The following TRPM7 variants were observed in gnomAD, a reference collection of about 807,000 sequenced individuals.
TRPM7 encodes LTRPC ion channel family member 7.
TRPM7 carries 134 observed loss-of-function variants against 229.7 expected under a neutral mutation model. That is an observed-to-expected ratio of 0.58 (90% CI 0.51 to 0.67). The LOEUF is 0.67. Ranked by LOEUF, TRPM7 falls within the 30% of genes least tolerant of loss-of-function variation. The pLI is 0.00. For synonymous variants in TRPM7, 699 were observed against 715.2 expected (o/e 0.98, Z 0.36); for missense variants, 1,901 against 2,210.0 (o/e 0.86, Z 2.80).
At chr15:50,679,597 G>C (rs1427727957) in intron 1 of TRPM7, among the ~76,000 whole-genome samples, 1 of 139,788 alleles carries the variant, frequency 7.2e-6, no homozygotes, top group African/African-American at 2.8e-5. Flanking sequence ...GTGCAGTGGC[G>C]CAATCTGGAG....
intron 5 of TRPM7, among the ~76,000 whole-genome samples, chr15:50,641,401 C>T (rs1470543376): frequency 6.6e-6 from 1 of 152,152 alleles, no homozygotes; most frequent in Non-Finnish European, 1.5e-5. Context: ...CTCCCCTTTA[C>T]ATGCTTTGCC....
chr15:50,623,488 C>CG (rs1491231732), intron 12 of TRPM7, among the ~76,000 whole-genome samples: 4 of 85,514 alleles, frequency 4.7e-5, no homozygotes, highest in South Asian at 7.9e-4. Context: ...TGCTGCCCCG[C>CG]CCCCTCCCCG....
chr15:50,570,829 T>C (rs1188355191), intron 36 of TRPM7, among the ~76,000 whole-genome samples: 1 of 150,798 alleles, frequency 6.6e-6, no homozygotes, highest in Non-Finnish European at 1.5e-5. Flanking sequence ...CACTCTAGCC[T>C]GGGCAACAGA....
At chr15:50,597,259 C>A (rs772979707) in intron 22 of TRPM7, among the ~76,000 whole-genome samples, 1 of 152,094 alleles carries the variant, frequency 6.6e-6, no homozygotes, top group African/African-American at 2.4e-5. Flanking sequence ...AGCTTTAATA[C>A]CCCCAACAGC....
intron 31 of TRPM7, among the ~76,000 whole-genome samples, chr15:50,577,346 G>A (rs1219171121): frequency 6.6e-6 from 1 of 152,018 alleles, no homozygotes; most frequent in Non-Finnish European, 1.5e-5. Flanking sequence ...TCAGGAGTTA[G>A]AGACCAGCCT....
In TRPM7 at chr15:50,557,461, G is replaced by T. The variant is rs2053178740; in HGVS notation, c.*4217C>A. 6.6e-6 allele frequency: 1 copy of T among 151,818 alleles called. No individual in the cohort carries two copies. The highest frequency in any genetic ancestry group is 2.1e-4 in the South Asian group (1 of 4,806). The allele number at this position is 151,818 out of a possible 1,614,324, so 9.4% of individuals were successfully genotyped here. ...ACAACATAGTCTGACTTGAGAGTGG[G>T]GAAAGTGGAACAAGGGAGTAATTTT... On this transcript the variant is annotated 3_prime_UTR_variant, in exon 39 of 39. Transcript: ENST00000646667.
chr15:50,679,538 A>ATATATATTT lies in TRPM7; in HGVS notation c.3+6992_3+6993insAAATATATA, dbSNP rs1400383980. Among the ~76,000 whole-genome samples, 85 of 43,862 alleles carry ATATATATTT rather than the reference A, an allele frequency of 1.9e-3. 3 individuals are homozygous for ATATATATTT. Among genetic ancestry groups the ATATATATTT allele is most frequent in the African/African-American group, 8.8e-3 (82 of 9,280 alleles). The allele number at this position is 43,862 out of a possible 152,430, so 28.8% of individuals were successfully genotyped here. A position where few individuals can be genotyped will look rare whatever the true frequency, so the allele number is the denominator to read the frequency against. The stretch of plus-strand genomic sequence containing the variant: ...TATATATATATATATATATATATAT[A>ATATATATTT]TTTTTTTTTTTTTTTGAGACAGAGT... On this transcript the variant is annotated intron_variant, in intron 1 of 38. Transcript: ENST00000646667.
chr15:50,634,508 G>T lies in TRPM7; in HGVS notation c.881C>A (p.Pro294Gln). 6.4e-7 allele frequency: 1 copy of T among 1,566,980 alleles called. No homozygotes were observed. The highest frequency in any genetic ancestry group is 8.6e-7 in the Non-Finnish European group (1 of 1,161,244). ...TTCAAGAACTGTGAGGATAACATTT[G>T]GCCCACCCTCAAATATAAGTGCCAC... Reference protein sequence around the residue: ...PVVALIFEGGPNVILTVLEYL... With the variant: ...PVVALIFEGGQNVILTVLEYL... Residue 294 changes from proline to glutamine, a missense_variant, in exon 8 of 39, where the codon CCA (proline) becomes CAA (glutamine). Transcript: ENST00000646667.
intron 1 of TRPM7, among the ~76,000 whole-genome samples, chr15:50,682,218 A>G (rs2062257624): frequency 1.4e-5 from 2 of 147,670 alleles, no homozygotes; most frequent in South Asian, 4.4e-4. Flanking sequence ...AAAATATGTC[A>G]AGAGTCAAGT....
In TRPM7 at chr15:50,609,849, T is replaced by C. The variant is rs895574779; in HGVS notation, c.2393A>G (p.Asp798Gly). Residue 798 changes from aspartate to glycine, a missense_variant, in exon 18 of 39, where the codon GAC becomes GGC. Transcript: ENST00000646667. ...TATGTTCTGAAAGTTGTTTTCGCTG[T>C]CATCCATTGTCATCTGATGAGCATC... ...SQDAHQMTMD[D>G]SENNFQNITE... 4.3e-6 allele frequency: 7 copies of C among 1,612,980 alleles called. No individual in the cohort carries two copies. The Admixed American group carries it at 5.0e-5, about 12-fold the overall frequency.
At chr15:50,591,813 T>A in intron 26 of TRPM7, 98 bp downstream of exon 26, 1 of 895,700 alleles carries the variant, frequency 1.1e-6, no homozygotes, top group East Asian at 2.9e-5. Context: ...AATTATACTC[T>A]ATGAAAAGAT....
chr15:50,632,968 G>A lies in TRPM7; in HGVS notation c.1032C>T (p.Pro344=), dbSNP rs761012403. Residue 344 remains proline, a synonymous_variant, in exon 9 of 39, where the codon CCC becomes CCT. Transcript: ENST00000646667. The part of the protein sequence containing the change: ...EGGNLPDAAE[P]DIISTIKKTF... ...TTTTTTTGATAGTGGAAATAATATC[G>A]GGCTCTGCTGCATCAGGAAGATTCC... 106 of 1,592,854 alleles carry A rather than the reference G, an allele frequency of 6.7e-5. No individual in the cohort carries two copies. Among genetic ancestry groups the A allele is most frequent in the Non-Finnish European group, 8.3e-5 (98 of 1,173,848 alleles).
In TRPM7 at chr15:50,607,262, A is replaced by G. The variant is rs1300576780; in HGVS notation, c.2647T>C (p.Ser883Pro). 6.2e-7 allele frequency: 1 copy of G among 1,609,554 alleles called. No individual in the cohort carries two copies. The highest frequency in any genetic ancestry group is 2.2e-5 in the East Asian group (1 of 44,756). ...GCAATAACAATCCATTCTTGAACTG[A>G]AGGTAACTGTTCCATTTGTACAAGA... Reference protein sequence around the residue: ...VVLVQMEQLPSVQEWIVIAYI... With the variant: ...VVLVQMEQLPPVQEWIVIAYI... Residue 883 changes from serine (S) to proline (P), a missense_variant, in exon 20 of 39, where the codon TCA becomes CCA. By Grantham distance (74) the Ser-to-Pro change is moderately conservative. Around this residue, in one of 8 missense-constraint regions of TRPM7, gnomAD observed 207 missense variants for 241.5 expected, o/e 0.86. Coordinates refer to ENST00000646667, the MANE Select transcript of TRPM7 (RefSeq NM_017672.6).
At chr15:50,609,554 T>C in intron 19 of TRPM7, 27 bp downstream of exon 19, 1 of 1,589,114 alleles carries the variant, frequency 6.3e-7, no homozygotes, top group Non-Finnish European at 8.5e-7. Flanking sequence ...CTTAAAAACA[T>C]TATGCTTGTG....
intron 2 of TRPM7, 91 bp downstream of exon 2, chr15:50,662,876 A>G (rs1484321081): frequency 5.6e-6 from 5 of 897,304 alleles, no homozygotes. Flanking sequence ...CAAATAATTT[A>G]TTTAGTGGTT....
chr15:50,596,673 G>A (rs546716659), intron 22 of TRPM7, among the ~76,000 whole-genome samples: 1 of 152,210 alleles, frequency 6.6e-6, no homozygotes, highest in Non-Finnish European at 1.5e-5. Flanking sequence ...TTCGAGGCAG[G>A]GTTTAACCTG....
chr15:50,591,089 T>C (rs779578463), intron 26 of TRPM7, among the ~76,000 whole-genome samples: 4 of 152,190 alleles, frequency 2.6e-5, no homozygotes, highest in Non-Finnish European at 4.4e-5. Context: ...ATTTAAGCTA[T>C]CATAGGTATA....
In TRPM7 at chr15:50,619,705, T is replaced by G. The variant is rs752097549; in HGVS notation, c.1494+40A>C. On this transcript the variant is annotated intron_variant, in intron 13 of 38. Coordinates refer to ENST00000646667, the MANE Select transcript of TRPM7 (RefSeq NM_017672.6). ...AAAAACATGAAATATAAATGATTTT[T>G]TAAAATAACATTTTTCAAAAGCAAA... 25 of 1,477,128 alleles carry G rather than the reference T, an allele frequency of 1.7e-5. 1 individual carries two copies. Among genetic ancestry groups the G allele is most frequent in the Non-Finnish European group, 2.2e-5 (24 of 1,095,294 alleles). 91.5% of individuals were successfully genotyped at this position (1,477,128 alleles called of 1,614,324 possible).
Position 50,574,485 on chromosome 15 carries a change from A to C in TRPM7, c.5103-6T>G. 6.2e-7 allele frequency: 1 copy of C among 1,603,588 alleles called. No individual in the cohort carries two copies. The highest frequency in any genetic ancestry group is 8.5e-7 in the Non-Finnish European group (1 of 1,175,350). ...GCAGGAAAACTTCAAGGAACCTTAT[A>C]AAAAATAGTTATAAATATTACTAGC... is the stretch of plus-strand genomic sequence containing the variant. On this transcript the variant is annotated splice_region_variant and splice_polypyrimidine_tract_variant and intron_variant, in intron 35 of 38. Transcript: ENST00000646667.
Sources: allele counts gnomAD v4.1 joint callset (sites outside exome capture counted in the v4.1 genomes callset), GRCh38; gene constraint gnomAD v4.1.1; regional missense constraint gnomAD v4.1.1; transcripts MANE v1.5; gene names NCBI Gene and HGNC (gene_info 2026-07-23, HGNC 2026-07-21).